The following HERC1 variants were observed in gnomAD, a reference collection of about 807,000 sequenced individuals.
HERC1 encodes the protein HECT and RLD domain containing E3 ubiquitin protein ligase family member 1, also known as probable E3 ubiquitin-protein ligase HERC1.
A neutral mutation model predicts 554.3 loss-of-function variants in HERC1; 160 were observed. The ratio of observed to expected loss-of-function variants is 0.29; its 90% confidence interval spans 0.25 to 0.33. HERC1 has a LOEUF of 0.33. HERC1 is among the 10% of genes least tolerant of loss of function. The probability of loss-of-function intolerance (pLI) is 1.00; values close to 1 mark genes in which losing one functional copy is unlikely to be tolerated. For synonymous variants in HERC1, 2,175 were observed against 2,131.7 expected (o/e 1.02, Z -0.56); for missense variants, 4,919 against 5,918.5 (o/e 0.83, Z 5.54).
chr15:63,666,161 G>C lies in HERC1; in HGVS notation c.8324-11C>G. 1.9e-6 allele frequency: 3 copies of C among 1,594,616 alleles called. No individual in the cohort carries two copies. The highest frequency in any genetic ancestry group is 2.6e-6 in the Non-Finnish European group (3 of 1,169,452). ...CCTCTCCCCTAGCACCTATACAGGG[G>C]AAAAACAGTCTGATGCTGACTTTGG... On this transcript the variant is annotated splice_polypyrimidine_tract_variant and intron_variant, in intron 41 of 77. Coordinates refer to ENST00000443617, the MANE Select transcript of HERC1 (RefSeq NM_003922.4).
Position 63,636,043 on chromosome 15 carries a change from T to C in HERC1, c.12332A>G (p.Tyr4111Cys), listed in dbSNP as rs902972354. The C allele has an allele frequency of 6.8e-6, 11 of 1,613,878 alleles. No individual in the cohort carries two copies. Among genetic ancestry groups the C allele is most frequent in the South Asian group, 1.1e-5 (1 of 91,076 alleles). The change falls in exon 65 of 78, where the codon TAT (tyrosine) becomes TGT (cysteine). Residue 4111 changes from tyrosine to cysteine, a missense_variant. Transcript: ENST00000443617. ...GEVFSWGDGDYGKLGHGNSDR... is the reference protein window; with the variant it reads ...GEVFSWGDGDCGKLGHGNSDR... ...GCTGTTCCCATGGCCAAGTTTACCA[T>C]AGTCACCATCTCCCCAGCTAAAGAC...
At chr15:63,770,165 A>C (rs16947432) in intron 2 of HERC1, among the ~76,000 whole-genome samples, 6,206 of 151,942 alleles carry the variant, frequency 0.041, 241 homozygotes, top group African/African-American at 0.1. Flanking sequence ...TCTCCCCACA[A>C]CTCAATCGCT....
At chr15:63,799,432 C>G (rs958714950) in intron 1 of HERC1, among the ~76,000 whole-genome samples, 1 of 151,348 alleles carries the variant, frequency 6.6e-6, no homozygotes, top group Non-Finnish European at 1.5e-5. Flanking sequence ...CCCAGGAGGT[C>G]AAGGCTGCCG....
At chr15:63,740,298 T>C (rs2074742930) in intron 12 of HERC1, among the ~76,000 whole-genome samples, 1 of 152,242 alleles carries the variant, frequency 6.6e-6, no homozygotes, top group African/African-American at 2.4e-5. Context: ...TTACATTGTA[T>C]GAATATACGA....
intron 1 of HERC1, among the ~76,000 whole-genome samples, chr15:63,790,446 G>A (rs1357309218): frequency 1.3e-5 from 2 of 151,840 alleles, no homozygotes; most frequent in Non-Finnish European, 2.9e-5. Context: ...GGGTAGTGGC[G>A]GGCGCCTTGT....
intron 40 of HERC1, 38 bp downstream of exon 40, chr15:63,669,500 C>T (rs1360310848): frequency 6.9e-6 from 11 of 1,596,368 alleles, no homozygotes; most frequent in Middle Eastern, 1.7e-4. Context: ...ATCTGGAATG[C>T]CAACTTTGGA....
rs1396202803 is a variant in HERC1 at position 63,718,771 on chromosome 15, T to C, written c.3857+12A>G. On this transcript the variant is annotated intron_variant, in intron 20 of 77. Transcript: ENST00000443617. The surrounding 1 kb of genome is among the most constrained non-coding windows in gnomAD (Gnocchi z 4.2). ...GCAAATATTTGTCTGAGGATAGTTT[T>C]AAGTTACTTGCCGGCTTTCTCCACA... is the stretch of plus-strand genomic sequence containing the variant. The C allele has an allele frequency of 6.2e-7, 1 of 1,610,564 alleles. No homozygotes were observed. Among genetic ancestry groups the C allele is most frequent in the Non-Finnish European group, 8.5e-7 (1 of 1,177,804 alleles).
intron 1 of HERC1, among the ~76,000 whole-genome samples, chr15:63,819,944 G>A (rs575610100): frequency 2.0e-5 from 3 of 152,094 alleles, no homozygotes; most frequent in African/African-American, 7.2e-5. Flanking sequence ...AAGTTTAAAC[G>A]TGCGTTAAAT....
At chr15:63,788,345 T>C (rs2076522240) in intron 1 of HERC1, among the ~76,000 whole-genome samples, 1 of 152,190 alleles carries the variant, frequency 6.6e-6, no homozygotes, top group Non-Finnish European at 1.5e-5. Context: ...GATAATATAG[T>C]TGGGATACTA....
chr15:63,623,858 A>G lies in HERC1; in HGVS notation c.13478T>C (p.Ile4493Thr). The G allele has an allele frequency of 6.2e-7, 1 of 1,614,020 alleles. No individual in the cohort carries two copies. The highest frequency in any genetic ancestry group is 1.1e-5 in the South Asian group (1 of 91,076). Reference sequence around the variant, plus strand: ...ATTCAGCTTAACTACTTGTCTCGCTATTTGGACAAAAATAGGCTTACACTT... The same window carrying G: ...ATTCAGCTTAACTACTTGTCTCGCTGTTTGGACAAAAATAGGCTTACACTT... Reference protein sequence around the residue: ...GRKCKPIFVQIARQVVKLNAS... With the variant: ...GRKCKPIFVQTARQVVKLNAS... The change falls in exon 73 of 78, where the codon ATA becomes ACA. Residue 4493 changes from isoleucine (I) to threonine (T), a missense_variant. Coordinates refer to ENST00000443617, the MANE Select transcript of HERC1 (RefSeq NM_003922.4).
Position 63,666,727 on chromosome 15 carries a change from A to G in HERC1, c.8207-255T>C, listed in dbSNP as rs146839378. Among the ~76,000 whole-genome samples, 307 of 152,298 alleles carry G rather than the reference A, an allele frequency of 2.0e-3. 1 individual carries two copies. Among genetic ancestry groups the G allele is most frequent in the African/African-American group, 6.5e-3 (269 of 41,562 alleles). Reference sequence around the variant, plus strand: ...ATAACCCACTCCTCATCCAAGTTCCATATTTGTAAATCTGTATACTCAATA... The same window carrying G: ...ATAACCCACTCCTCATCCAAGTTCCGTATTTGTAAATCTGTATACTCAATA... On this transcript the variant is annotated intron_variant, in intron 40 of 77. Transcript: ENST00000443617.
chr15:63,686,215 G>T (rs2071751846), intron 34 of HERC1, 144 bp downstream of exon 34: 3 of 576,230 alleles, frequency 5.2e-6, no homozygotes, highest in African/African-American at 1.9e-5. Context: ...CCTTCACTTG[G>T]TTTCCATTTA....
chr15:63,820,262 T>C (rs1196409301), intron 1 of HERC1, among the ~76,000 whole-genome samples: 5 of 152,130 alleles, frequency 3.3e-5, no homozygotes, highest in Admixed American at 1.3e-4. Context: ...CACAAATCTT[T>C]CCATCATTCT....
In HERC1 at chr15:63,634,790, G is replaced by A; in HGVS notation, c.12513C>T (p.Thr4171=). The A allele has an allele frequency of 6.2e-7, 1 of 1,613,226 alleles. No individual in the cohort carries two copies. The highest frequency in any genetic ancestry group is 8.5e-7 in the Non-Finnish European group (1 of 1,179,482). Reference sequence around the variant, plus strand: ...CTCTCTCTGGAAGTTTTTTGTTAGAGGTATTTCCAAGACCCAGACGACCAT... The same window carrying A: ...CTCTCTCTGGAAGTTTTTTGTTAGAAGTATTTCCAAGACCCAGACGACCAT... ...GDYGRLGLGN[T]SNKKLPERVT... The change falls in exon 66 of 78, where the codon ACC becomes ACT. Residue 4171 remains threonine, a synonymous_variant. Transcript: ENST00000443617.
chr15:63,614,296 C>T (rs2067723518), intron 76 of HERC1, among the ~76,000 whole-genome samples: 1 of 152,174 alleles, frequency 6.6e-6, no homozygotes, highest in Non-Finnish European at 1.5e-5. Flanking sequence ...GCACTCAGTG[C>T]TTTCTTCTGT....
intron 27 of HERC1, 70 bp downstream of exon 27, chr15:63,696,054 G>A: frequency 8.6e-7 from 1 of 1,162,922 alleles, no homozygotes. Context: ...ACACCAAAAA[G>A]TTTCACATTA....
chr15:63,673,470 C>G (rs1237633453), intron 38 of HERC1, among the ~76,000 whole-genome samples: 2 of 152,150 alleles, frequency 1.3e-5, no homozygotes, highest in African/African-American at 4.8e-5. Flanking sequence ...AATATAAACT[C>G]CATGAAGGCA....
At chr15:63,657,347 G>C (rs1595907147) in intron 48 of HERC1, among the ~76,000 whole-genome samples, 1 of 144,204 alleles carries the variant, frequency 6.9e-6, no homozygotes, top group East Asian at 2.1e-4. Context: ...TTCCCGTCTT[G>C]GCCTCCCAAT....
intron 1 of HERC1, among the ~76,000 whole-genome samples, chr15:63,794,209 G>A (rs1173328859): frequency 1.3e-5 from 2 of 152,016 alleles, no homozygotes; most frequent in Non-Finnish European, 2.9e-5. Flanking sequence ...TCTGTCTATG[G>A]AGTAGCCATT....
Sources: gnomAD v4.1 joint callset for allele counts (sites outside exome capture counted in the v4.1 genomes callset) on GRCh38, gnomAD v4.1.1 for gene constraint, Gnocchi (gnomAD v3.1) non-coding constraint, MANE v1.5 for transcripts, NCBI Gene and HGNC (gene_info 2026-07-23, HGNC 2026-07-21) for gene names.